NFIB: variants seen among roughly 807,000 people sequenced by gnomAD.
The protein encoded by NFIB is nuclear factor I B.
In NFIB, 11 loss-of-function variants were observed where a neutral mutation model predicts 61.5. That is an observed-to-expected ratio of 0.18 (90% CI 0.11 to 0.30). The LOEUF (loss-of-function observed/expected upper bound fraction) is 0.30. NFIB is among the 10% of genes least tolerant of loss of function. NFIB has a pLI of 1.00. For synonymous variants in NFIB, 260 were observed against 216.5 expected, an observed-to-expected ratio of 1.20 and a Z score of -1.76; for missense variants, 471 against 608.9, an observed-to-expected ratio of 0.77 and a Z score of 2.38.
chr9:14,222,799 A>AAAAAAG (rs2051850072), intron 2 of NFIB, among the ~76,000 whole-genome samples: 1 of 150,768 alleles, frequency 6.6e-6, no homozygotes, highest in Admixed American at 6.6e-5. Flanking sequence ...CTGTCTCAAA[A>AAAAAAG]AAAAAAAAAA....
At chr9:14,407,448 C>T in the NFIB span, among the ~76,000 whole-genome samples, 5 of 152,016 alleles carry the variant, frequency 3.3e-5, no homozygotes, top group Admixed American at 2.6e-4. Context: ...GTGGTGTTAC[C>T]GAACTGGGCA....
the NFIB span, among the ~76,000 whole-genome samples, chr9:14,440,068 G>A: frequency 2.0e-5 from 3 of 152,164 alleles, no homozygotes; most frequent in Non-Finnish European, 4.4e-5. Context: ...TCACCAGGTG[G>A]ACCTACTTTT....
At chr9:14,218,280 C>A (rs1033029171) in intron 2 of NFIB, among the ~76,000 whole-genome samples, 5 of 152,084 alleles carry the variant, frequency 3.3e-5, no homozygotes, top group African/African-American at 9.7e-5. Flanking sequence ...GTTTAAAATT[C>A]TTTTGTTTCC....
intron 1 of NFIB, among the ~76,000 whole-genome samples, chr9:14,311,836 T>C (rs914139995): frequency 6.6e-6 from 1 of 152,230 alleles, no homozygotes; most frequent in Non-Finnish European, 1.5e-5. Context: ...AAAATCTTGC[T>C]TTGATTTGTT....
At chr9:14,255,601 A>G (rs2056142213) in intron 2 of NFIB, among the ~76,000 whole-genome samples, 1 of 152,242 alleles carries the variant, frequency 6.6e-6, no homozygotes, top group South Asian at 2.1e-4. Flanking sequence ...GCTTCAGTTT[A>G]TATAAATTGC....
At chr9:14,344,533 T>C (rs1290589109) in intron 1 of NFIB, among the ~76,000 whole-genome samples, 1 of 152,206 alleles carries the variant, frequency 6.6e-6, no homozygotes, top group African/African-American at 2.4e-5. Flanking sequence ...TATGGATTTT[T>C]TCTTAAAGGG....
the NFIB span, among the ~76,000 whole-genome samples, chr9:14,436,023 CT>C: frequency 6.6e-6 from 1 of 152,204 alleles, no homozygotes; most frequent in African/African-American, 2.4e-5. Context: ...ATAAGGAAGG[CT>C]TTCCTTCCCT....
the NFIB span, among the ~76,000 whole-genome samples, chr9:14,437,860 T>TG: frequency 3.3e-5 from 5 of 151,918 alleles, no homozygotes; most frequent in East Asian, 9.7e-4. Flanking sequence ...AGGCCAAGAG[T>TG]GGCAATCCGT....
the NFIB span, among the ~76,000 whole-genome samples, chr9:14,487,427 A>T: frequency 6.6e-6 from 1 of 152,228 alleles, no homozygotes; most frequent in African/African-American, 2.4e-5. Context: ...TGTCCATTAG[A>T]ATTTAAGGTC....
chr9:14,456,399 A>G, the NFIB span, among the ~76,000 whole-genome samples: 1 of 152,170 alleles, frequency 6.6e-6, no homozygotes, highest in Non-Finnish European at 1.5e-5. Context: ...ACAGAGTAAA[A>G]AGACAAAGGA....
In NFIB at chr9:14,195,730, A is replaced by G. The variant is rs537796075; in HGVS notation, c.563-15950T>C. Among the ~76,000 whole-genome samples, 38 of 152,296 alleles carry G rather than the reference A, an allele frequency of 2.5e-4. 1 individual carries two copies. In the South Asian group the frequency reaches 7.9e-3, roughly 32 times the overall value. On this transcript the variant is annotated intron_variant, in intron 2 of 10. Coordinates refer to ENST00000380953, the MANE Select transcript of NFIB (RefSeq NM_001190737.2). ...CTATCACTGTGTTTTCAAAGTGACAACACTGTTCAACTTTCTTTTCACAGA... is the reference window on the plus strand; with the variant it reads ...CTATCACTGTGTTTTCAAAGTGACAGCACTGTTCAACTTTCTTTTCACAGA...
chr9:14,401,653 T>C (rs1588426909), upstream of NFIB, among the ~76,000 whole-genome samples: 1 of 152,342 alleles, frequency 6.6e-6, no homozygotes, highest in East Asian at 1.9e-4. Flanking sequence ...CCTAGTGGTC[T>C]AGTGTTTAAT....
chr9:14,348,210 T>C (rs1288882519), intron 1 of NFIB, among the ~76,000 whole-genome samples: 5 of 152,174 alleles, frequency 3.3e-5, no homozygotes, highest in Admixed American at 6.5e-5. Flanking sequence ...GGGGAAGGCA[T>C]AATTCAATTA....
At chr9:14,376,743 C>G (rs778486386) in intron 1 of NFIB, among the ~76,000 whole-genome samples, 1 of 152,044 alleles carries the variant, frequency 6.6e-6, no homozygotes, top group Non-Finnish European at 1.5e-5. Flanking sequence ...ATCTCAAATT[C>G]CTGACCTCAG....
At chr9:14,509,898 AGTTTC>A in the NFIB span, among the ~76,000 whole-genome samples, 1 of 152,096 alleles carries the variant, frequency 6.6e-6, no homozygotes, top group South Asian at 2.1e-4. Context: ...TTTACATTTT[AGTTTC>A]GTTCAGTTTT....
At chr9:14,430,748 A>AT in the NFIB span, among the ~76,000 whole-genome samples, 1 of 151,956 alleles carries the variant, frequency 6.6e-6, no homozygotes, top group Non-Finnish European at 1.5e-5. Flanking sequence ...TGCCTGGCTA[A>AT]TTTTTTTATT....
intron 2 of NFIB, among the ~76,000 whole-genome samples, chr9:14,200,265 G>C (rs1184115161): frequency 6.6e-6 from 1 of 152,158 alleles, no homozygotes; most frequent in Non-Finnish European, 1.5e-5. Flanking sequence ...TCTCAGAACT[G>C]GTAGAAGAGA....
At chr9:14,364,742 T>G (rs1414881459) in intron 1 of NFIB, among the ~76,000 whole-genome samples, 2 of 152,198 alleles carry the variant, frequency 1.3e-5, no homozygotes, top group African/African-American at 4.8e-5. Context: ...GAGCACGTTT[T>G]GACAGTTACT....
At chr9:14,531,501 C>A in the NFIB span, among the ~76,000 whole-genome samples, 1 of 152,056 alleles carries the variant, frequency 6.6e-6, no homozygotes, top group Non-Finnish European at 1.5e-5. Context: ...GAGCCGCACA[C>A]AACATGATAC....
Sources: gnomAD v4.1 joint callset for allele counts (sites outside exome capture counted in the v4.1 genomes callset) on GRCh38, gnomAD v4.1.1 for gene constraint, MANE v1.5 for transcripts, NCBI Gene and HGNC (gene_info 2026-07-23, HGNC 2026-07-21) for gene names.